Variants in ATP6V1B2 observed in about 807,000 individuals in gnomAD.
ATP6V1B2 encodes V-type proton ATPase subunit B, brain isoform.
In ATP6V1B2, 23 loss-of-function variants were observed where a neutral mutation model predicts 66.7. That is an observed-to-expected ratio of 0.34 (90% CI 0.25 to 0.49). The LOEUF is 0.49. Ranked by LOEUF, ATP6V1B2 falls within the 20% of genes least tolerant of loss-of-function variation. The pLI, the probability that ATP6V1B2 is intolerant of heterozygous loss-of-function variation, is 0.99. For missense variants in ATP6V1B2, 478 were observed against 650.8 expected, an observed-to-expected ratio of 0.73 and a Z score of 2.89; for synonymous variants, 278 against 236.7, an observed-to-expected ratio of 1.17 and a Z score of -1.60.
chr8:20,207,124 A>G (rs1448222484), intron 2 of ATP6V1B2, among the ~76,000 whole-genome samples: 1 of 152,220 alleles, frequency 6.6e-6, no homozygotes. Context: ...ACCATAAAAG[A>G]AGACCTAAAA....
intron 1 of ATP6V1B2, among the ~76,000 whole-genome samples, chr8:20,203,785 G>C (rs2072710129): frequency 6.6e-6 from 1 of 152,138 alleles, no homozygotes; most frequent in South Asian, 2.1e-4. Flanking sequence ...GGCGCACTTT[G>C]CAGTGGAAAA....
In ATP6V1B2 at chr8:20,219,856, C is replaced by T. The variant is rs17092166; in HGVS notation, c.1397-407C>T. Among the ~76,000 whole-genome samples, 562 of 152,290 alleles carry T rather than the reference C, an allele frequency of 3.7e-3. 4 individuals are homozygous for T. The highest frequency in any genetic ancestry group is 0.013 in the African/African-American group (543 of 41,568). On this transcript the variant is annotated intron_variant, in intron 13 of 13. Transcript: ENST00000276390. ...CAGGTGCTTGACTGGCATTTATGTC[C>T]TTCTGAGCATCTGTGTTAGTCGCCT...
chr8:20,218,007 T>A (rs559537905), intron 12 of ATP6V1B2, 146 bp from the exon 13 acceptor site: 21 of 1,099,974 alleles, frequency 1.9e-5, no homozygotes, highest in Non-Finnish European at 2.7e-5. Context: ...CTTCTGGTAC[T>A]TTCATATGAA....
chr8:20,211,903 C>A, intron 7 of ATP6V1B2, 150 bp downstream of exon 7: 1 of 835,896 alleles, frequency 1.2e-6, no homozygotes, highest in Non-Finnish European at 1.8e-6. Flanking sequence ...TAAAATTTGG[C>A]ATTTGACTAA....
intron 10 of ATP6V1B2, 166 bp from the exon 11 acceptor site, chr8:20,216,247 A>G: frequency 1.7e-6 from 1 of 585,776 alleles, no homozygotes; most frequent in Non-Finnish European, 3.0e-6. Flanking sequence ...CAGCACAGAC[A>G]CAGAACATTG....
At chr8:20,198,414 T>C (rs75636172) in intron 1 of ATP6V1B2, among the ~76,000 whole-genome samples, 3,508 of 152,322 alleles carry the variant, frequency 0.023, 167 homozygotes, top group African/African-American at 0.08. Flanking sequence ...TGTGATTTTT[T>C]AAATAAAAAG....
chr8:20,217,052 T>C (rs2072861795), intron 11 of ATP6V1B2, 168 bp from the exon 12 acceptor site: 5 of 606,630 alleles, frequency 8.2e-6, no homozygotes, highest in Non-Finnish European at 1.5e-5. Context: ...AAGTGTTTCT[T>C]ACTACCTTTT....
Position 20,217,262 on chromosome 8 carries a change from A to G in ATP6V1B2, c.1204A>G (p.Met402Val). ...TGTGCTGCCCTCACTATCACGGTTA[A>G]TGAAGTCTGCTATTGGAGAAGGGAT... Reference protein sequence around the residue: ...INVLPSLSRLMKSAIGEGMTR... With the variant: ...INVLPSLSRLVKSAIGEGMTR... Residue 402 changes from methionine (M) to valine (V), a missense_variant, in exon 12 of 14, where the codon ATG becomes GTG. Around this residue, in one of 2 missense-constraint regions of ATP6V1B2, gnomAD observed 326 missense variants for 545.6 expected, o/e 0.60. Transcript: ENST00000276390. The G allele has an allele frequency of 6.2e-7, 1 of 1,613,450 alleles. No homozygotes were observed. The highest frequency in any genetic ancestry group is 8.5e-7 in the Non-Finnish European group (1 of 1,179,502).
intron 10 of ATP6V1B2, 79 bp downstream of exon 10, chr8:20,215,047 G>C (rs1446208406): frequency 1.3e-5 from 19 of 1,420,304 alleles, no homozygotes; most frequent in African/African-American, 1.4e-5. Flanking sequence ...TCGAGTTGAA[G>C]TTATTTTGAG....
rs564885279 is a variant in ATP6V1B2 at position 20,206,724 on chromosome 8, A to AT, written c.192+2193dup. 2.0e-5 allele frequency among the ~76,000 whole-genome samples: 3 copies of AT among 151,724 alleles called. No homozygotes were observed. The South Asian group carries it at 6.3e-4, about 32-fold the overall frequency. On this transcript the variant is annotated intron_variant, in intron 2 of 13. Transcript: ENST00000276390. The stretch of plus-strand genomic sequence containing the variant: ...AACTCTCCAAACACCCTCAGTTAGG[A>AT]TTTTTTTTGAAGACCTAAGCATGAC...
chr8:20,213,656 G>C (rs536725945), intron 9 of ATP6V1B2: 20 of 152,228 alleles, frequency 1.3e-4, no homozygotes, highest in African/African-American at 4.3e-4. Context: ...GCTTCTTAAA[G>C]AAAGATTATA....
chr8:20,198,323 C>G (rs1301871377), intron 1 of ATP6V1B2, among the ~76,000 whole-genome samples: 1 of 152,214 alleles, frequency 6.6e-6, no homozygotes, highest in Non-Finnish European at 1.5e-5. Context: ...GTTAACCAAA[C>G]TTGGTTGAGT....
chr8:20,198,023 C>T (rs2072646645), intron 1 of ATP6V1B2, among the ~76,000 whole-genome samples: 1 of 152,184 alleles, frequency 6.6e-6, no homozygotes, highest in African/African-American at 2.4e-5. Flanking sequence ...TCAGGCCTTT[C>T]GTGGATGGAG....
chr8:20,215,439 C>A (rs1391214375), intron 10 of ATP6V1B2: 4 of 152,916 alleles, frequency 2.6e-5, no homozygotes. Flanking sequence ...CAATGCCTGT[C>A]TGTGTGTGTG....
rs1342758124 is a variant in ATP6V1B2, at chr8:20,217,298, G to T, written c.1240G>T (p.Asp414Tyr). 1 of 1,612,362 alleles carries T rather than the reference G, an allele frequency of 6.2e-7. No individual in the cohort carries two copies. The highest frequency in any genetic ancestry group is 1.3e-5 in the African/African-American group (1 of 74,846). The change falls in exon 12 of 14, where the codon GAT becomes TAT. Residue 414 changes from aspartate to tyrosine, a missense_variant. By Grantham distance (160) the Asp-to-Tyr change is radical. Around this residue, in one of 2 missense-constraint regions of ATP6V1B2, gnomAD observed 326 missense variants for 545.6 expected, o/e 0.60. Coordinates refer to ENST00000276390, the MANE Select transcript of ATP6V1B2 (RefSeq NM_001693.4). ...TATTGGAGAAGGGATGACCAGGAAG[G>T]ATCATGCCGATGTATCTAACCAGCT... ...SAIGEGMTRK[D>Y]HADVSNQLYA...
At chr8:20,213,835 A>C (rs2072821413) in intron 9 of ATP6V1B2, 1 of 152,250 alleles carries the variant, frequency 6.6e-6, no homozygotes, top group African/African-American at 2.4e-5. Flanking sequence ...TTTCAGACTA[A>C]CTCTAGTCAA....
At position 20,210,085 on chromosome 8, in the gene ATP6V1B2, T is replaced by C. The variant is rs138806622; in HGVS notation, c.292-261T>C. 4.4e-3 allele frequency among the ~76,000 whole-genome samples: 654 copies of C among 147,888 alleles called. 1 individual carries two copies. The highest frequency in any genetic ancestry group is 6.7e-3 in the Non-Finnish European group (449 of 67,040). Reference sequence around the variant, plus strand: ...AAAAATATATATATATATAAACATATATATATTTATATATTTATATTTATG... The same window carrying C: ...AAAAATATATATATATATAAACATACATATATTTATATATTTATATTTATG... On this transcript the variant is annotated intron_variant, in intron 3 of 13. Coordinates refer to ENST00000276390, the MANE Select transcript of ATP6V1B2 (RefSeq NM_001693.4).
intron 13 of ATP6V1B2, among the ~76,000 whole-genome samples, chr8:20,218,971 C>G (rs533240116): frequency 2.0e-5 from 3 of 151,578 alleles, no homozygotes; most frequent in East Asian, 3.9e-4. Flanking sequence ...CCAGTTAACT[C>G]AAGCTCAGTA....
rs1439973286 is a variant in ATP6V1B2 at position 20,215,028 on chromosome 8, T to G, written c.1078+60T>G. 3.3e-6 allele frequency: 5 copies of G among 1,501,184 alleles called. No homozygotes were observed. The African/African-American group carries it at 5.6e-5, about 17-fold the overall frequency. The allele number at this position is 1,501,184 out of a possible 1,614,324, so 93.0% of individuals were successfully genotyped here. ...TCATTTTAAAGAGAGAGAAGACCCA[T>G]CTACCTTTTCGAGTTGAAGTTATTT... On this transcript the variant is annotated intron_variant, in intron 10 of 13. Transcript: ENST00000276390.
Sources: gnomAD v4.1 joint callset for allele counts (sites outside exome capture counted in the v4.1 genomes callset) on GRCh38, gnomAD v4.1.1 for gene constraint, gnomAD v4.1.1 regional missense constraint, MANE v1.5 for transcripts, NCBI Gene and HGNC (gene_info 2026-07-23, HGNC 2026-07-21) for gene names.